BCKDHB: variants seen among roughly 807,000 people sequenced by gnomAD.
BCKDHB encodes the protein 2-oxoisovalerate dehydrogenase subunit beta, mitochondrial.
BCKDHB carries 41 observed loss-of-function variants against 48.5 expected under a neutral mutation model. The observed-to-expected ratio is 0.85, with a 90% CI of 0.66 to 1.10. The LOEUF (loss-of-function observed/expected upper bound fraction) is 1.10. BCKDHB is among the 50% of genes least tolerant of loss of function. BCKDHB has a pLI of 0.00. For missense variants in BCKDHB, 496 were observed against 494.2 expected, an observed-to-expected ratio of 1.00 and a Z score of -0.03; for synonymous variants, 201 against 174.8, an observed-to-expected ratio of 1.15 and a Z score of -1.18.
intron 8 of BCKDHB, among the ~76,000 whole-genome samples, chr6:80,253,946 T>G (rs937251489): frequency 2.2e-4 from 32 of 146,360 alleles, no homozygotes; most frequent in Admixed American, 2.1e-3. Context: ...TGAATTAAGT[T>G]AATTAATTAA....
rs1319046925 is a variant in BCKDHB, at chr6:80,342,582, AAG to A, written c.1039-1081_1039-1080del. 1.2e-3 allele frequency among the ~76,000 whole-genome samples: 169 copies of A among 135,204 alleles called. 11 individuals are homozygous for A. The highest frequency in any genetic ancestry group is 2.9e-3 in the African/African-American group (102 of 35,040). The allele number at this position is 135,204 out of a possible 152,430, so 88.7% of individuals were successfully genotyped here. ...AAAAAAAAAAAAAAAAAAAAAAAGA[AAG>A]GGAAGAAAGGGGAAGGAAGGGAAGG... On this transcript the variant is annotated intron_variant, in intron 9 of 9. Coordinates refer to ENST00000320393, the MANE Select transcript of BCKDHB (RefSeq NM_183050.4).
At position 80,299,883 on chromosome 6, in the gene BCKDHB, C is replaced by T. The variant is rs189192030; in HGVS notation, c.1038+26662C>T. Among the ~76,000 whole-genome samples, 14 of 152,182 alleles carry T rather than the reference C, an allele frequency of 9.2e-5. No individual in the cohort carries two copies. The East Asian group carries it at 2.1e-3, about 23-fold the overall frequency. On this transcript the variant is annotated intron_variant, in intron 9 of 9. Coordinates refer to ENST00000320393, the MANE Select transcript of BCKDHB (RefSeq NM_183050.4). ...ACCTTGAATGTAAATGGGCTAAATT[C>T]CACACTTAAAAGAGACACAGTGGCA...
chr6:80,290,897 A>T (rs2127984051), intron 9 of BCKDHB, among the ~76,000 whole-genome samples: 1 of 152,348 alleles, frequency 6.6e-6, no homozygotes, highest in South Asian at 2.1e-4. Context: ...ACATAGGGGT[A>T]ACTTGTTGAC....
intron 8 of BCKDHB, among the ~76,000 whole-genome samples, chr6:80,236,002 T>C (rs1455013118): frequency 6.6e-6 from 1 of 152,208 alleles, no homozygotes; most frequent in Non-Finnish European, 1.5e-5. Flanking sequence ...ACTTAACCTG[T>C]GCTCCATGTG....
chr6:80,147,388 G>A (rs926286815), intron 3 of BCKDHB, among the ~76,000 whole-genome samples: 3 of 152,096 alleles, frequency 2.0e-5, no homozygotes, highest in Non-Finnish European at 4.4e-5. Context: ...ATAAATATAA[G>A]GAGTTATTGC....
chr6:80,193,853 A>T (rs1774015089), intron 6 of BCKDHB, among the ~76,000 whole-genome samples: 1 of 152,188 alleles, frequency 6.6e-6, no homozygotes, highest in South Asian at 2.1e-4. Flanking sequence ...GCTGACTGGC[A>T]TATGCAGACA....
At chr6:80,378,511 G>A in the BCKDHB span, among the ~76,000 whole-genome samples, 1 of 152,004 alleles carries the variant, frequency 6.6e-6, no homozygotes, top group Admixed American at 6.6e-5. Context: ...TGTGTATAGA[G>A]AAAATGTGAT....
chr6:80,346,010 T>C lies in BCKDHB; in HGVS notation c.*2206T>C, dbSNP rs971159240. Reference sequence around the variant, plus strand: ...AGATTATGACTAGATATGGAAATATTTTTTCTGAATTTTTTTTTATATTTC... The same window carrying C: ...AGATTATGACTAGATATGGAAATATCTTTTCTGAATTTTTTTTTATATTTC... On this transcript the variant is annotated 3_prime_UTR_variant, in exon 10 of 10. Transcript: ENST00000320393. 3 of 152,164 alleles carry C rather than the reference T, an allele frequency of 2.0e-5. No homozygotes were observed. The highest frequency in any genetic ancestry group is 7.2e-5 in the African/African-American group (3 of 41,444). 9.4% of individuals were successfully genotyped at this position (152,164 alleles called of 1,614,324 possible).
chr6:80,366,222 T>A, the BCKDHB span, among the ~76,000 whole-genome samples: 1 of 152,200 alleles, frequency 6.6e-6, no homozygotes, highest in Non-Finnish European at 1.5e-5. Flanking sequence ...GTTGGCTTCA[T>A]GTTGAGAGGA....
the BCKDHB span, among the ~76,000 whole-genome samples, chr6:80,435,387 G>A: frequency 2.7e-3 from 409 of 152,236 alleles, 2 homozygotes; most frequent in African/African-American, 9.5e-3. Context: ...CCAAATCATA[G>A]CTCTATCTAT....
the BCKDHB span, among the ~76,000 whole-genome samples, chr6:80,446,395 A>G: frequency 6.6e-6 from 1 of 152,236 alleles, no homozygotes; most frequent in Non-Finnish European, 1.5e-5. Flanking sequence ...GAGAAGGTAC[A>G]GAACACATTT....
intron 9 of BCKDHB, among the ~76,000 whole-genome samples, chr6:80,319,747 G>C (rs1768618887): frequency 6.6e-6 from 1 of 152,156 alleles, no homozygotes; most frequent in Non-Finnish European, 1.5e-5. Flanking sequence ...TGTAAATTAT[G>C]CATGTATTTG....
chr6:80,247,155 G>T (rs576579965), intron 8 of BCKDHB, among the ~76,000 whole-genome samples: 2 of 152,186 alleles, frequency 1.3e-5, no homozygotes, highest in South Asian at 4.1e-4. Flanking sequence ...CTTAGAGAAT[G>T]TGGGTTGCAA....
At chr6:80,251,255 G>A (rs950046273) in intron 8 of BCKDHB, among the ~76,000 whole-genome samples, 1 of 152,112 alleles carries the variant, frequency 6.6e-6, no homozygotes, top group Non-Finnish European at 1.5e-5. Context: ...GATCTAAATA[G>A]CCGTGGGAAT....
the BCKDHB span, among the ~76,000 whole-genome samples, chr6:80,436,236 G>C: frequency 1.6e-5 from 2 of 126,880 alleles, no homozygotes; most frequent in African/African-American, 5.8e-5. Context: ...TTGGCTCACT[G>C]CAAGCTCTGC....
At chr6:80,236,726 C>A (rs1452371807) in intron 8 of BCKDHB, among the ~76,000 whole-genome samples, 1 of 152,166 alleles carries the variant, frequency 6.6e-6, no homozygotes, top group Non-Finnish European at 1.5e-5. Flanking sequence ...AGAGTCTGTG[C>A]TCTTAACCAA....
the BCKDHB span, among the ~76,000 whole-genome samples, chr6:80,457,223 G>C: frequency 6.6e-6 from 1 of 152,210 alleles, no homozygotes; most frequent in South Asian, 2.1e-4. Flanking sequence ...GGCATACCTG[G>C]TGTGAGCTTG....
chr6:80,151,971 T>C (rs1351861243), intron 3 of BCKDHB, among the ~76,000 whole-genome samples: 1 of 152,182 alleles, frequency 6.6e-6, no homozygotes, highest in African/African-American at 2.4e-5. Flanking sequence ...AGATATGTTT[T>C]AGGAAACATC....
At chr6:80,272,164 A>G (rs1777774679) in intron 8 of BCKDHB, among the ~76,000 whole-genome samples, 2 of 152,174 alleles carry the variant, frequency 1.3e-5, no homozygotes, top group Non-Finnish European at 2.9e-5. Flanking sequence ...GCTACTGGCT[A>G]TATCTGAGAG....
Sources: allele counts gnomAD v4.1 joint callset (sites outside exome capture counted in the v4.1 genomes callset), GRCh38; gene constraint gnomAD v4.1.1; transcripts MANE v1.5; gene names NCBI Gene and HGNC (gene_info 2026-07-23, HGNC 2026-07-21).